The following ADGRL2 variants were observed in gnomAD, a reference collection of about 807,000 sequenced individuals.
ADGRL2 encodes the protein adhesion G protein-coupled receptor L2, also known as calcium-independent alpha-latrotoxin receptor 2.
In ADGRL2, 44 loss-of-function variants were observed where a neutral mutation model predicts 157.4. That is an observed-to-expected ratio of 0.28 (90% CI 0.22 to 0.36). ADGRL2 has a LOEUF of 0.36. Ranked by LOEUF, ADGRL2 falls within the 10% of genes least tolerant of loss-of-function variation. ADGRL2 has a pLI of 1.00. For missense variants in ADGRL2, 1,510 were observed against 1,768.9 expected (o/e 0.85, Z 2.63); for synonymous variants, 585 against 624.7 (o/e 0.94, Z 0.95).
chr1:81,948,572 CA>C (rs1222601936), intron 6 of ADGRL2, among the ~76,000 whole-genome samples: 2 of 152,148 alleles, frequency 1.3e-5, no homozygotes, highest in East Asian at 3.9e-4. Flanking sequence ...GACACTTCTG[CA>C]AAAGATTGTG....
In ADGRL2 at chr1:81,929,679, T is replaced by G. The variant is rs75650361; in HGVS notation, c.288-7049T>G. Among the ~76,000 whole-genome samples, 322 of 152,274 alleles carry G rather than the reference T, an allele frequency of 2.1e-3. 1 individual carries two copies. Among genetic ancestry groups the G allele is most frequent in the African/African-American group, 6.2e-3 (257 of 41,562 alleles). ...TGGAATGGAAACAAATTTGCATGAA[T>G]AGTTGAGCCTGTTTTTAAAGCTGTA... On this transcript the variant is annotated intron_variant, in intron 3 of 23. Coordinates refer to ENST00000686636, the MANE Select transcript of ADGRL2 (RefSeq NM_001366006.2).
chr1:81,700,538 A>G (rs1251584413), intron 1 of ADGRL2, among the ~76,000 whole-genome samples: 1 of 152,240 alleles, frequency 6.6e-6, no homozygotes, highest in Non-Finnish European at 1.5e-5. Flanking sequence ...GTTTCTTGGC[A>G]TCAAATAAAC....
intron 1 of ADGRL2, among the ~76,000 whole-genome samples, chr1:81,349,149 T>G (rs1476401225): frequency 6.6e-6 from 1 of 152,160 alleles, no homozygotes; most frequent in Non-Finnish European, 1.5e-5. Flanking sequence ...TCCCAAGAGC[T>G]AAGATTAGGC....
At chr1:81,376,247 C>G (rs750612290) in intron 1 of ADGRL2, among the ~76,000 whole-genome samples, 1 of 152,208 alleles carries the variant, frequency 6.6e-6, no homozygotes, top group Non-Finnish European at 1.5e-5. Context: ...AACCATTAGG[C>G]ATTTTCCCAG....
intron 1 of ADGRL2, among the ~76,000 whole-genome samples, chr1:81,337,036 G>T (rs1253088541): frequency 6.6e-6 from 1 of 152,160 alleles, no homozygotes; most frequent in African/African-American, 2.4e-5. Flanking sequence ...ACTTCACAGG[G>T]ACAGCTTGAC....
chr1:81,760,747 G>A, intron 1 of ADGRL2, among the ~76,000 whole-genome samples: 1 of 150,400 alleles, frequency 6.6e-6, no homozygotes, highest in Admixed American at 6.6e-5. Flanking sequence ...GCAGATTGAT[G>A]AGTTATAATA....
intron 2 of ADGRL2, among the ~76,000 whole-genome samples, chr1:81,479,630 G>A (rs1368119195): frequency 1.3e-5 from 2 of 152,064 alleles, no homozygotes; most frequent in Non-Finnish European, 2.9e-5. Flanking sequence ...GAGAGACAGG[G>A]AAAACAACCT....
intron 1 of ADGRL2, among the ~76,000 whole-genome samples, chr1:81,809,858 A>G (rs2089642418): frequency 1.3e-5 from 2 of 151,988 alleles, no homozygotes; most frequent in Non-Finnish European, 1.5e-5. Flanking sequence ...GGTATGACAT[A>G]AATATCTGTT....
At chr1:81,886,966 A>G (rs921035761) in intron 2 of ADGRL2, among the ~76,000 whole-genome samples, 1 of 152,176 alleles carries the variant, frequency 6.6e-6, no homozygotes, top group Admixed American at 6.5e-5. Context: ...AATGTGACAC[A>G]TTTTCTCTGA....
At chr1:81,885,468 T>C (rs1047352463) in intron 2 of ADGRL2, among the ~76,000 whole-genome samples, 7 of 152,208 alleles carry the variant, frequency 4.6e-5, no homozygotes, top group African/African-American at 1.4e-4. Flanking sequence ...CCACGTCTTA[T>C]CCAGGGCTTG....
chr1:81,345,707 A>G (rs1662432871), intron 1 of ADGRL2, among the ~76,000 whole-genome samples: 1 of 152,202 alleles, frequency 6.6e-6, no homozygotes, highest in Admixed American at 6.5e-5. Context: ...TTGTGAAAGA[A>G]TGAGAGAAAA....
intron 1 of ADGRL2, among the ~76,000 whole-genome samples, chr1:81,438,544 T>A (rs766505212): frequency 4.1e-4 from 63 of 152,098 alleles, no homozygotes; most frequent in Admixed American, 9.8e-4. Context: ...CCCAATATGG[T>A]GAATATCAGT....
chr1:81,764,995 A>C (rs2086063394), intron 2 of ADGRL2, among the ~76,000 whole-genome samples: 1 of 152,022 alleles, frequency 6.6e-6, no homozygotes, highest in Admixed American at 6.6e-5. Context: ...TCCAAATTGT[A>C]TTGTGTAAAT....
intron 19 of ADGRL2, among the ~76,000 whole-genome samples, chr1:81,982,810 A>G (rs916412553): frequency 6.6e-6 from 1 of 152,030 alleles, no homozygotes; most frequent in African/African-American, 2.4e-5. Flanking sequence ...GATAATGTAT[A>G]TTCACAGCAA....
intron 1 of ADGRL2, among the ~76,000 whole-genome samples, chr1:81,802,993 G>A (rs566019452): frequency 6.6e-6 from 1 of 152,134 alleles, no homozygotes; most frequent in African/African-American, 2.4e-5. Flanking sequence ...GGGACCCGGC[G>A]GGCCACGGGG....
intron 1 of ADGRL2, among the ~76,000 whole-genome samples, chr1:81,440,979 C>T (rs561957206): frequency 7.2e-5 from 11 of 152,182 alleles, no homozygotes; most frequent in Non-Finnish European, 1.5e-4. Flanking sequence ...TTAAACATAA[C>T]AAGAAGCATT....
intron 1 of ADGRL2, among the ~76,000 whole-genome samples, chr1:81,437,931 G>T (rs1458536271): frequency 6.6e-6 from 1 of 152,044 alleles, no homozygotes; most frequent in Non-Finnish European, 1.5e-5. Flanking sequence ...CAAAGGTGAG[G>T]AGTCAGCCAC....
chr1:81,414,840 G>T (rs2077006802), intron 1 of ADGRL2, among the ~76,000 whole-genome samples: 1 of 152,150 alleles, frequency 6.6e-6, no homozygotes, highest in Non-Finnish European at 1.5e-5. Context: ...TTGTATACAA[G>T]ACTTTTTATA....
intron 1 of ADGRL2, among the ~76,000 whole-genome samples, chr1:81,811,832 T>G (rs191185265): frequency 2.6e-5 from 4 of 151,842 alleles, no homozygotes; most frequent in Non-Finnish European, 4.4e-5. Context: ...CTTTGTTTAC[T>G]TTGTGTTCAG....
Sources: allele counts gnomAD v4.1 joint callset (sites outside exome capture counted in the v4.1 genomes callset), GRCh38; gene constraint gnomAD v4.1.1; transcripts MANE v1.5; gene names NCBI Gene and HGNC (gene_info 2026-07-23, HGNC 2026-07-21).